The following AOPEP variants were observed in gnomAD, a reference collection of about 807,000 sequenced individuals.
AOPEP encodes the protein aminopeptidase O (putative).
In AOPEP, 77 loss-of-function variants were observed where a neutral mutation model predicts 98.1. That is an observed-to-expected ratio of 0.78 (90% CI 0.65 to 0.95). The LOEUF (loss-of-function observed/expected upper bound fraction) is 0.95, where lower values mean the gene tolerates loss of function less well. Ranked by LOEUF, AOPEP falls within the 40% of genes least tolerant of loss-of-function variation. AOPEP has a pLI of 0.00. For missense variants in AOPEP, 1,024 were observed against 1,024.7 expected (o/e 1.00, Z 0.01); for synonymous variants, 346 against 365.3 (o/e 0.95, Z 0.60).
intron 16 of AOPEP, among the ~76,000 whole-genome samples, chr9:95,084,412 G>C (rs901153578): frequency 1.3e-5 from 2 of 152,252 alleles, no homozygotes; most frequent in Admixed American, 1.3e-4. Flanking sequence ...GTCTCGTAGC[G>C]AAACGCCTGC....
At chr9:94,954,690 G>A (rs1157679064) in intron 7 of AOPEP, among the ~76,000 whole-genome samples, 1 of 152,128 alleles carries the variant, frequency 6.6e-6, no homozygotes, top group African/African-American at 2.4e-5. Flanking sequence ...GAGCTTCTAT[G>A]ACCTTTTTTT....
At chr9:94,862,463 T>C (rs2045152820) in intron 5 of AOPEP, among the ~76,000 whole-genome samples, 1 of 152,238 alleles carries the variant, frequency 6.6e-6, no homozygotes, top group African/African-American at 2.4e-5. Flanking sequence ...GGGAGGGCTC[T>C]GTTTCCAGAG....
intron 14 of AOPEP, among the ~76,000 whole-genome samples, chr9:95,069,004 C>T (rs1424245037): frequency 6.6e-6 from 1 of 152,122 alleles, no homozygotes; most frequent in East Asian, 1.9e-4. Context: ...CTGTTCACTC[C>T]CTGTTGCCTC....
chr9:95,092,195 A>T, the AOPEP span, among the ~76,000 whole-genome samples: 3 of 152,102 alleles, frequency 2.0e-5, no homozygotes, highest in Non-Finnish European at 4.4e-5. Context: ...AAGGAACCAG[A>T]CCGGTCCCTG....
At chr9:94,769,317 C>T (rs1444285404) in intron 2 of AOPEP, among the ~76,000 whole-genome samples, 3 of 151,974 alleles carry the variant, frequency 2.0e-5, no homozygotes, top group Non-Finnish European at 4.4e-5. Context: ...AGGATATCAG[C>T]TTGTGAAACA....
rs576441632 is a variant in AOPEP at position 94,963,480 on chromosome 9, A to G, written c.1873-4278A>G. 3.3e-5 allele frequency among the ~76,000 whole-genome samples: 5 copies of G among 151,940 alleles called. No individual in the cohort carries two copies. In the East Asian group the frequency reaches 9.7e-4, roughly 29 times the overall value. ...TAGATTATTAGGACAGTAGGAAATG[A>G]AAAAAAAATTCTAAAGGAATGTATT... On this transcript the variant is annotated intron_variant, in intron 9 of 16. Coordinates refer to ENST00000375315, the MANE Select transcript of AOPEP (RefSeq NM_001193329.3).
chr9:94,796,721 C>T (rs946702575), intron 4 of AOPEP, among the ~76,000 whole-genome samples: 3 of 152,212 alleles, frequency 2.0e-5, no homozygotes, highest in African/African-American at 4.8e-5. Context: ...CTTCCAGCTC[C>T]ACTTTCACAC....
chr9:94,885,328 G>A (rs2048088233), intron 5 of AOPEP, among the ~76,000 whole-genome samples: 2 of 103,286 alleles, frequency 1.9e-5, no homozygotes, highest in African/African-American at 7.5e-5. Flanking sequence ...CAGCCTGGGT[G>A]ACAGAGTGAG....
chr9:94,925,436 T>C (rs1349615999), intron 6 of AOPEP, among the ~76,000 whole-genome samples: 2 of 152,256 alleles, frequency 1.3e-5, no homozygotes, highest in African/African-American at 4.8e-5. Flanking sequence ...ATCTTATTTA[T>C]TTTTCACTAA....
chr9:94,913,023 C>CG (rs1417833009), intron 5 of AOPEP, among the ~76,000 whole-genome samples: 3 of 152,190 alleles, frequency 2.0e-5, no homozygotes, highest in Non-Finnish European at 4.4e-5. Context: ...CAAACAGACC[C>CG]GGGTGCCTTT....
At chr9:95,149,864 C>A in the AOPEP span, 204 of 1,537,496 alleles carry the variant, frequency 1.3e-4, no homozygotes, top group Admixed American at 3.3e-4. Flanking sequence ...TCCAACACAC[C>A]ACAGCCTTCT....
chr9:94,741,422 G>C (rs939950776), intron 1 of AOPEP, among the ~76,000 whole-genome samples: 1 of 151,798 alleles, frequency 6.6e-6, no homozygotes, highest in East Asian at 1.9e-4. Flanking sequence ...ACAGGCGCCC[G>C]CCACCATGCC....
intron 5 of AOPEP, among the ~76,000 whole-genome samples, chr9:94,906,395 G>A (rs192190514): frequency 2.6e-5 from 4 of 151,740 alleles, no homozygotes; most frequent in East Asian, 1.9e-4. Flanking sequence ...GAGCCAAGGA[G>A]GTCAAGGCAG....
chr9:94,814,631 G>A (rs1202605015), intron 5 of AOPEP, among the ~76,000 whole-genome samples: 1 of 152,214 alleles, frequency 6.6e-6, no homozygotes, highest in Admixed American at 6.5e-5. Flanking sequence ...AGGCAGTACT[G>A]TCCAGGTGTG....
chr9:94,768,765 A>G (rs889674820), intron 2 of AOPEP, among the ~76,000 whole-genome samples: 1 of 152,172 alleles, frequency 6.6e-6, no homozygotes, highest in Non-Finnish European at 1.5e-5. Context: ...AGTCTTCCAT[A>G]CAATTGGGTA....
At chr9:94,909,292 G>A (rs117481592) in intron 5 of AOPEP, among the ~76,000 whole-genome samples, 3,372 of 136,398 alleles carry the variant, frequency 0.025, 60 homozygotes, top group Non-Finnish European at 0.036. Context: ...TTTTCTTTCC[G>A]CCAGGCTTTT....
intron 5 of AOPEP, among the ~76,000 whole-genome samples, 157 bp downstream of exon 5, chr9:94,801,159 A>G (rs900873084): frequency 1.3e-5 from 2 of 152,138 alleles, no homozygotes; most frequent in Non-Finnish European, 2.9e-5. Flanking sequence ...TTGAGGGACA[A>G]TTTTAATGCA....
intron 1 of AOPEP, among the ~76,000 whole-genome samples, chr9:94,750,495 G>C (rs1835435825): frequency 6.6e-6 from 1 of 152,020 alleles, no homozygotes; most frequent in Non-Finnish European, 1.5e-5. Flanking sequence ...TGAGGCAGGA[G>C]AATCACTTGA....
At chr9:94,751,610 G>T (rs1588043215) in intron 1 of AOPEP, among the ~76,000 whole-genome samples, 3 of 151,990 alleles carry the variant, frequency 2.0e-5, no homozygotes, top group East Asian at 3.9e-4. Context: ...ATGTATCTGG[G>T]CTTCTTTTCT....
Sources: gnomAD v4.1 joint callset for allele counts (sites outside exome capture counted in the v4.1 genomes callset) on GRCh38, gnomAD v4.1.1 for gene constraint, MANE v1.5 for transcripts, NCBI Gene and HGNC (gene_info 2026-07-23, HGNC 2026-07-21) for gene names.